FGF14: variants seen among roughly 807,000 people sequenced by gnomAD.
FGF14 encodes the protein fibroblast growth factor 14, also known as fibroblast growth factor homologous factor 4.
In FGF14, 5 loss-of-function variants were observed where a neutral mutation model predicts 25.5. The ratio of observed to expected loss-of-function variants is 0.20; its 90% CI spans 0.10 to 0.41. The LOEUF (loss-of-function observed/expected upper bound fraction) is 0.41. FGF14 is among the 10% of genes least tolerant of loss of function. The probability of loss-of-function intolerance (pLI) is 1.00; values close to 1 mark genes in which losing one functional copy is unlikely to be tolerated. For synonymous variants in FGF14, 138 were observed against 118.3 expected (o/e 1.17, Z -1.08); for missense variants, 222 against 320.1 (o/e 0.69, Z 2.34).
intron 1 of FGF14, among the ~76,000 whole-genome samples, chr13:102,078,105 G>A (rs1011244116): frequency 2.6e-5 from 4 of 152,170 alleles, no homozygotes; most frequent in African/African-American, 9.7e-5. Context: ...CAGAGGTTGA[G>A]AGCATAATAA....
intron 3 of FGF14, among the ~76,000 whole-genome samples, chr13:101,812,449 C>T (rs2041566959): frequency 6.6e-6 from 1 of 151,150 alleles, no homozygotes; most frequent in Non-Finnish European, 1.5e-5. Context: ...TTGTCAAAAC[C>T]TAACATTTTG....
intron 1 of FGF14, among the ~76,000 whole-genome samples, chr13:102,203,393 T>TA (rs1415893726): frequency 3.3e-5 from 5 of 152,182 alleles, no homozygotes; most frequent in African/African-American, 1.2e-4. Flanking sequence ...CCTAGAAAGA[T>TA]ATTAGCGCAA....
At position 101,836,743 on chromosome 13, in the gene FGF14, ATTATT is replaced by A. The variant is rs200667459; in HGVS notation, c.408+31977_408+31981del. On this transcript the variant is annotated intron_variant, in intron 3 of 4. Transcript: ENST00000376143. ...AAAACTTTAATTTCTAGTATTTATG[ATTATT>A]TTATTTTATTGTCCTATTGCATTAA... is the stretch of plus-strand genomic sequence containing the variant. Among the ~76,000 whole-genome samples, 1,266 of 152,104 alleles carry A rather than the reference ATTATT, an allele frequency of 8.3e-3. 11 individuals carry two copies. The highest frequency in any genetic ancestry group is 0.014 in the Non-Finnish European group (954 of 67,940).
chr13:101,972,359 A>T (rs1427412621), intron 1 of FGF14, among the ~76,000 whole-genome samples: 1 of 152,190 alleles, frequency 6.6e-6, no homozygotes, highest in East Asian at 1.9e-4. Flanking sequence ...TAAAATAAAT[A>T]CAAAGGTCTC....
intron 1 of FGF14, among the ~76,000 whole-genome samples, chr13:102,281,307 T>C (rs759766395): frequency 3.3e-5 from 5 of 152,212 alleles, no homozygotes; most frequent in Non-Finnish European, 4.4e-5. Flanking sequence ...CCTTGAATGC[T>C]TTTCTGGATT....
upstream of FGF14, among the ~76,000 whole-genome samples, chr13:101,921,687 T>C (rs187930774): frequency 1.8e-3 from 268 of 152,334 alleles, no homozygotes; most frequent in African/African-American, 6.0e-3. Context: ...CCATGGCTCA[T>C]GTGATTTGTG....
intron 1 of FGF14, among the ~76,000 whole-genome samples, chr13:102,279,196 A>G (rs1400211958): frequency 6.6e-6 from 1 of 151,074 alleles, no homozygotes; most frequent in Non-Finnish European, 1.5e-5. Flanking sequence ...GTTTGTATAG[A>G]TAGATAGATA....
intron 1 of FGF14, among the ~76,000 whole-genome samples, chr13:102,075,471 G>A (rs2043322167): frequency 6.6e-6 from 1 of 152,110 alleles, no homozygotes; most frequent in Non-Finnish European, 1.5e-5. Flanking sequence ...TGTTTGTGGT[G>A]ATTCTGGTGT....
chr13:102,263,105 G>T, intron 1 of FGF14: 1 of 628,686 alleles, frequency 1.6e-6, no homozygotes, highest in Non-Finnish European at 3.0e-6. Context: ...TTTATTACCA[G>T]TTTTCGTCTA....
intron 1 of FGF14, among the ~76,000 whole-genome samples, chr13:102,161,622 G>GTACCCC (rs1594217424): frequency 4.0e-4 from 2 of 5,052 alleles, no homozygotes; most frequent in South Asian, 7.8e-3. Context: ...AGAAGAAGAA[G>GTACCCC]AAGAAGAAGA....
intron 1 of FGF14, among the ~76,000 whole-genome samples, chr13:102,264,355 T>C (rs1156837881): frequency 6.6e-6 from 1 of 152,176 alleles, no homozygotes; most frequent in East Asian, 1.9e-4. Context: ...TAGCATCTAC[T>C]ATTGACATGG....
At chr13:101,731,142 A>G (rs1046954395) in intron 3 of FGF14, among the ~76,000 whole-genome samples, 3 of 152,174 alleles carry the variant, frequency 2.0e-5, no homozygotes, top group Admixed American at 6.5e-5. Flanking sequence ...GAGGAGCCCT[A>G]CTTTGCTTCT....
chr13:102,155,123 G>A, intron 1 of FGF14, among the ~76,000 whole-genome samples: 1 of 152,150 alleles, frequency 6.6e-6, no homozygotes, highest in East Asian at 1.9e-4. Flanking sequence ...AAGTTAACAA[G>A]GATATCCAGG....
chr13:102,292,783 A>C (rs6491680), intron 1 of FGF14: 119,593 of 152,196 alleles, frequency 0.79, 47,808 homozygotes, highest in African/African-American at 0.94. Context: ...ACAATGAATG[A>C]CAATGGGTGG....
intron 1 of FGF14, among the ~76,000 whole-genome samples, chr13:102,189,727 A>C (rs527698936): frequency 2.4e-4 from 36 of 152,262 alleles, no homozygotes; most frequent in African/African-American, 8.4e-4. Context: ...TATTTGGCTC[A>C]TGGTTCTGCA....
At chr13:101,905,847 C>T (rs1374194368) in intron 1 of FGF14, among the ~76,000 whole-genome samples, 1 of 151,998 alleles carries the variant, frequency 6.6e-6, no homozygotes, top group East Asian at 1.9e-4. Flanking sequence ...TAAAACTGTA[C>T]CCCATATTTG....
chr13:101,947,180 T>G (rs576774135), intron 1 of FGF14, among the ~76,000 whole-genome samples: 2 of 152,262 alleles, frequency 1.3e-5, no homozygotes, highest in East Asian at 3.9e-4. Flanking sequence ...AGTCAACAAA[T>G]AACAGATGTT....
At chr13:102,334,814 C>T (rs1279360637) in intron 1 of FGF14, among the ~76,000 whole-genome samples, 1 of 152,072 alleles carries the variant, frequency 6.6e-6, no homozygotes, top group Non-Finnish European at 1.5e-5. Flanking sequence ...TGAAGGATGT[C>T]CTAGATTTTT....
At chr13:102,045,737 G>T (rs1463604215) in intron 1 of FGF14, among the ~76,000 whole-genome samples, 1 of 152,086 alleles carries the variant, frequency 6.6e-6, no homozygotes, top group Non-Finnish European at 1.5e-5. Context: ...CATTCTGGTT[G>T]TAAGTTTTAA....
Sources: gnomAD v4.1 joint callset for allele counts (sites outside exome capture counted in the v4.1 genomes callset) on GRCh38, gnomAD v4.1.1 for gene constraint, MANE v1.5 for transcripts, NCBI Gene and HGNC (gene_info 2026-07-23, HGNC 2026-07-21) for gene names.